The following CTNNA3 variants were observed in gnomAD, a reference collection of about 807,000 sequenced individuals.
CTNNA3 encodes catenin alpha 3.
In CTNNA3, 76 loss-of-function variants were observed where a neutral mutation model predicts 95.7. That is an observed-to-expected ratio of 0.79 (90% CI 0.66 to 0.96). CTNNA3 has a LOEUF of 0.96. CTNNA3 is among the 40% of genes least tolerant of loss of function. The pLI, the probability that CTNNA3 is intolerant of heterozygous loss-of-function variation, is 0.00. For synonymous variants in CTNNA3, 431 were observed against 374.4 expected, an observed-to-expected ratio of 1.15 and a Z score of -1.74; for missense variants, 1,191 against 1,089.8, an observed-to-expected ratio of 1.09 and a Z score of -1.31.
intron 11 of CTNNA3, among the ~76,000 whole-genome samples, chr10:66,384,340 G>C (rs945338496): frequency 6.6e-6 from 1 of 152,098 alleles, no homozygotes; most frequent in Non-Finnish European, 1.5e-5. Flanking sequence ...AAGATCAAAA[G>C]AGATAAAGAA....
At chr10:66,327,257 T>C (rs2092265377) in intron 12 of CTNNA3, among the ~76,000 whole-genome samples, 1 of 152,128 alleles carries the variant, frequency 6.6e-6, no homozygotes, top group South Asian at 2.1e-4. Flanking sequence ...ATAGGAATGT[T>C]CCTGCTATCA....
rs145759047 is a variant in CTNNA3, at chr10:67,265,219, G to C, written c.580-45349C>G. Among the ~76,000 whole-genome samples the C allele has an allele frequency of 2.0e-4, 31 of 152,148 alleles. No individual in the cohort carries two copies. The East Asian group carries it at 5.4e-3, about 27-fold the overall frequency. On this transcript the variant is annotated intron_variant, in intron 5 of 17. Transcript: ENST00000433211. ...TCAAACTCAACCATTCATCCTTATA[G>C]CTTCTATCACAAAGTCCCAGCCATG...
At chr10:66,973,939 A>T (rs537321231) in intron 7 of CTNNA3, among the ~76,000 whole-genome samples, 2 of 152,212 alleles carry the variant, frequency 1.3e-5, no homozygotes, top group Admixed American at 6.5e-5. Flanking sequence ...TTTTTAATCA[A>T]CTTTATTGAA....
At chr10:66,270,072 GTC>G (rs1190238798) in intron 13 of CTNNA3, among the ~76,000 whole-genome samples, 1 of 152,092 alleles carries the variant, frequency 6.6e-6, no homozygotes. Context: ...AGTTTCTACT[GTC>G]CTTAATTTTT....
chr10:66,864,165 C>T (rs144924906), intron 7 of CTNNA3, among the ~76,000 whole-genome samples: 1 of 152,194 alleles, frequency 6.6e-6, no homozygotes, highest in African/African-American at 2.4e-5. Flanking sequence ...TCCCAAAGAT[C>T]ATGTGTTGGA....
chr10:66,301,878 C>A (rs1246132551), intron 12 of CTNNA3, among the ~76,000 whole-genome samples: 1 of 151,936 alleles, frequency 6.6e-6, no homozygotes, highest in Non-Finnish European at 1.5e-5. Context: ...ACCATTCAGA[C>A]TTGGAAGGAA....
intron 7 of CTNNA3, among the ~76,000 whole-genome samples, chr10:66,931,225 A>C (rs1847370857): frequency 7.1e-6 from 1 of 141,730 alleles, no homozygotes; most frequent in African/African-American, 2.5e-5. Context: ...TGACCTGTTG[A>C]ACTATACAAC....
intron 5 of CTNNA3, among the ~76,000 whole-genome samples, chr10:67,241,667 C>A (rs925089106): frequency 6.6e-6 from 1 of 152,170 alleles, no homozygotes; most frequent in East Asian, 1.9e-4. Flanking sequence ...GTTGACCCAA[C>A]TTCCTAGTTA....
chr10:65,972,160 GA>G (rs1303921215), intron 16 of CTNNA3, among the ~76,000 whole-genome samples: 1 of 151,928 alleles, frequency 6.6e-6, no homozygotes, highest in African/African-American at 2.4e-5. Flanking sequence ...GAACATATCT[GA>G]AAATAATAAG....
At chr10:67,712,286 G>C (rs1273523535) in intron 1 of CTNNA3, among the ~76,000 whole-genome samples, 2 of 152,158 alleles carry the variant, frequency 1.3e-5, no homozygotes, top group Non-Finnish European at 2.9e-5. Flanking sequence ...TGATAGAAAA[G>C]AAAATCCCAT....
At chr10:66,495,961 A>G (rs1488513926) in intron 11 of CTNNA3, among the ~76,000 whole-genome samples, 1 of 152,166 alleles carries the variant, frequency 6.6e-6, no homozygotes. Context: ...CCTGGCCTGG[A>G]AGTCATTTTG....
intron 16 of CTNNA3, among the ~76,000 whole-genome samples, chr10:65,971,452 G>T (rs2078100674): frequency 6.8e-6 from 1 of 147,212 alleles, no homozygotes; most frequent in South Asian, 2.1e-4. Flanking sequence ...AAAAGAGAGA[G>T]GATTCAAATA....
At chr10:66,630,222 T>A (rs542251193) in intron 9 of CTNNA3, among the ~76,000 whole-genome samples, 1 of 152,068 alleles carries the variant, frequency 6.6e-6, no homozygotes, top group African/African-American at 2.4e-5. Flanking sequence ...GAACATGAGA[T>A]GACAAATAGA....
chr10:66,475,545 G>A (rs751138133), intron 11 of CTNNA3, among the ~76,000 whole-genome samples: 3 of 151,894 alleles, frequency 2.0e-5, no homozygotes, highest in East Asian at 3.9e-4. Flanking sequence ...ATTAAAAAGT[G>A]AGCAAAGGAC....
At chr10:67,330,286 A>G (rs1228695619) in intron 5 of CTNNA3, among the ~76,000 whole-genome samples, 1 of 152,144 alleles carries the variant, frequency 6.6e-6, no homozygotes, top group Non-Finnish European at 1.5e-5. Context: ...TTCTGTGTCT[A>G]TTCTGCCCAG....
intron 7 of CTNNA3, among the ~76,000 whole-genome samples, chr10:67,074,221 C>G (rs968368649): frequency 1.3e-5 from 2 of 151,092 alleles, no homozygotes; most frequent in Non-Finnish European, 3.0e-5. Flanking sequence ...TTAATAGAAA[C>G]GGGGTTTCAC....
intron 9 of CTNNA3, among the ~76,000 whole-genome samples, chr10:66,697,042 G>A (rs1445416935): frequency 6.6e-6 from 1 of 151,948 alleles, no homozygotes; most frequent in East Asian, 1.9e-4. Context: ...TATCTCCCAA[G>A]ATGCCTAGGT....
intron 7 of CTNNA3, among the ~76,000 whole-genome samples, chr10:66,964,033 G>T (rs1278736756): frequency 2.0e-5 from 3 of 151,436 alleles, no homozygotes; most frequent in East Asian, 1.9e-4. Context: ...TTTTTTTTCA[G>T]TAGTGATGGG....
intron 7 of CTNNA3, among the ~76,000 whole-genome samples, chr10:66,870,761 A>C (rs1299326187): frequency 6.6e-6 from 1 of 152,182 alleles, no homozygotes; most frequent in African/African-American, 2.4e-5. Context: ...CCATTATTGT[A>C]AATGTGCAGT....
Sources: allele counts gnomAD v4.1 joint callset (sites outside exome capture counted in the v4.1 genomes callset), GRCh38; gene constraint gnomAD v4.1.1; transcripts MANE v1.5; gene names NCBI Gene and HGNC (gene_info 2026-07-23, HGNC 2026-07-21).